RTN1: variants seen among roughly 807,000 people sequenced by gnomAD.
RTN1 encodes reticulon-1.
Under a neutral mutation model 65.5 loss-of-function variants are expected in RTN1, and 25 were observed. The observed-to-expected ratio is 0.38, with a 90% CI of 0.28 to 0.53. The LOEUF (loss-of-function observed/expected upper bound fraction) is 0.53. RTN1 is among the 20% of genes least tolerant of loss of function. The pLI is 0.79. For synonymous variants in RTN1, 471 were observed against 447.6 expected (o/e 1.05, Z -0.66); for missense variants, 983 against 1,025.4 (o/e 0.96, Z 0.57).
chr14:59,719,492 G>A (rs781477340), intron 3 of RTN1, among the ~76,000 whole-genome samples: 17 of 152,214 alleles, frequency 1.1e-4, no homozygotes, highest in South Asian at 8.3e-4. Context: ...CAGAATGTAA[G>A]CCCCATGAGG....
chr14:59,720,595 T>C (rs745735204), intron 3 of RTN1, among the ~76,000 whole-genome samples: 6 of 152,006 alleles, frequency 3.9e-5, no homozygotes, highest in Non-Finnish European at 7.4e-5. Context: ...TGGTGGTGCA[T>C]GCCTGTAGTC....
chr14:59,602,781 G>A (rs762310219), intron 8 of RTN1, among the ~76,000 whole-genome samples: 17 of 151,986 alleles, frequency 1.1e-4, no homozygotes, highest in Non-Finnish European at 2.4e-4. Flanking sequence ...AATGCATCTT[G>A]TTCTTGTACA....
At chr14:59,609,683 C>T (rs17834286) in intron 3 of RTN1, among the ~76,000 whole-genome samples, 69,171 of 151,938 alleles carry the variant, frequency 0.46, 18,074 homozygotes, top group East Asian at 0.84. Context: ...TTTGACGGTC[C>T]GGGGCCTCCA....
chr14:59,631,923 T>C (rs1352812768), intron 3 of RTN1, among the ~76,000 whole-genome samples: 1 of 152,156 alleles, frequency 6.6e-6, no homozygotes, highest in East Asian at 1.9e-4. Context: ...TTCCCGATTC[T>C]TCTACAGTTG....
intron 1 of RTN1, among the ~76,000 whole-genome samples, chr14:59,750,411 T>G (rs1392866802): frequency 1.5e-5 from 1 of 64,970 alleles, no homozygotes; most frequent in Admixed American, 3.1e-4. Context: ...ATATATTATA[T>G]GTATAATATA....
At chr14:59,646,155 C>T (rs1389254741) in intron 3 of RTN1, among the ~76,000 whole-genome samples, 2 of 152,190 alleles carry the variant, frequency 1.3e-5, no homozygotes, top group Admixed American at 1.3e-4. Context: ...GCAAGATTTT[C>T]ACAATGCAGT....
At chr14:59,601,037 A>C (rs1394277283) in intron 8 of RTN1, among the ~76,000 whole-genome samples, 1 of 151,640 alleles carries the variant, frequency 6.6e-6, no homozygotes, top group Non-Finnish European at 1.5e-5. Context: ...TGATGATATC[A>C]ATCCCCTGCT....
intron 3 of RTN1, among the ~76,000 whole-genome samples, chr14:59,637,962 CT>C (rs1882701352): frequency 1.3e-5 from 2 of 152,060 alleles, no homozygotes; most frequent in African/African-American, 2.4e-5. Flanking sequence ...AGTGATTCTC[CT>C]GCCTCAGCCT....
intron 1 of RTN1, among the ~76,000 whole-genome samples, chr14:59,800,827 TTAATA>T (rs1886532440): frequency 6.6e-6 from 1 of 151,732 alleles, no homozygotes; most frequent in African/African-American, 2.4e-5. Flanking sequence ...ATAACTACGA[TTAATA>T]TAATAAAAGA....
chr14:59,675,048 T>G (rs1253212065), intron 3 of RTN1, among the ~76,000 whole-genome samples: 3 of 136,912 alleles, frequency 2.2e-5, no homozygotes, highest in Non-Finnish European at 4.7e-5. Flanking sequence ...GGTATGCAGA[T>G]GAATACACAC....
intron 3 of RTN1, among the ~76,000 whole-genome samples, chr14:59,636,118 A>C (rs754283707): frequency 1.3e-5 from 2 of 152,220 alleles, no homozygotes; most frequent in Non-Finnish European, 2.9e-5. Flanking sequence ...TGAAATAGGA[A>C]AGTTTAAAGT....
chr14:59,662,316 C>G (rs1304391652), intron 3 of RTN1, among the ~76,000 whole-genome samples: 1 of 137,434 alleles, frequency 7.3e-6, no homozygotes, highest in Non-Finnish European at 1.6e-5. Flanking sequence ...CCCCCTCCCC[C>G]CACCCCACAA....
intron 1 of RTN1, among the ~76,000 whole-genome samples, chr14:59,818,706 G>GTAGC (rs1171803637): frequency 2.0e-5 from 3 of 152,176 alleles, no homozygotes; most frequent in Admixed American, 2.0e-4. Flanking sequence ...GGACCAAAAG[G>GTAGC]TAGCTCTCTT....
Position 59,746,414 on chromosome 14 carries a change from C to T in RTN1, c.309G>A (p.Ser103=), listed in dbSNP as rs528236609. 1.3e-5 allele frequency: 21 copies of T among 1,613,118 alleles called. No individual in the cohort carries two copies. The highest frequency in any genetic ancestry group is 1.6e-4 in the Middle Eastern group (1 of 6,078). ...TGTCAGAAATGAGAGATGTGTAACA[C>T]GATCCTTCCCCATCTTTTGATGTTG... is the stretch of plus-strand genomic sequence containing the variant. ...FSTTSKDGEG[S]CYTSLISDIC... is the part of the protein sequence containing the mutation. The change falls in exon 2 of 9, where the codon TCG becomes TCA. Residue 103 remains serine (S), a synonymous_variant. Coordinates refer to ENST00000267484, the MANE Select transcript of RTN1 (RefSeq NM_021136.3).
At chr14:59,843,910 AAG>A (rs1486479315) in intron 1 of RTN1, among the ~76,000 whole-genome samples, 2 of 152,202 alleles carry the variant, frequency 1.3e-5, no homozygotes, top group Non-Finnish European at 2.9e-5. Context: ...TAGGGGAAAA[AAG>A]AGATTTATAT....
chr14:59,681,593 C>T (rs1883746890), intron 3 of RTN1, among the ~76,000 whole-genome samples: 1 of 152,150 alleles, frequency 6.6e-6, no homozygotes. Context: ...ATAGTTACCA[C>T]CAGACATGGG....
intron 1 of RTN1, among the ~76,000 whole-genome samples, chr14:59,852,491 T>C (rs1041130814): frequency 2.6e-5 from 4 of 152,196 alleles, no homozygotes; most frequent in Admixed American, 2.6e-4. Flanking sequence ...AAAAGACTGT[T>C]GCCTAATCTA....
intron 3 of RTN1, among the ~76,000 whole-genome samples, chr14:59,653,665 A>G (rs1883063965): frequency 6.6e-6 from 1 of 151,942 alleles, no homozygotes; most frequent in African/African-American, 2.4e-5. Context: ...TGAATTTATA[A>G]CATATATAGA....
chr14:59,652,254 A>T (rs1393465193), intron 3 of RTN1, among the ~76,000 whole-genome samples: 2 of 152,228 alleles, frequency 1.3e-5, no homozygotes, highest in African/African-American at 4.8e-5. Flanking sequence ...TAGTTCAACC[A>T]TTGTGGAAGG....
Sources: allele counts gnomAD v4.1 joint callset (sites outside exome capture counted in the v4.1 genomes callset), GRCh38; gene constraint gnomAD v4.1.1; transcripts MANE v1.5; gene names NCBI Gene and HGNC (gene_info 2026-07-23, HGNC 2026-07-21).